RASA1: variants seen among roughly 807,000 people sequenced by gnomAD.
RASA1 encodes the protein ras GTPase-activating protein 1.
A neutral mutation model predicts 132.2 loss-of-function variants in RASA1; 25 were observed. The observed-to-expected ratio is 0.19, with a 90% CI of 0.14 to 0.26. RASA1 has a LOEUF of 0.26. RASA1 is among the 10% of genes least tolerant of loss of function. RASA1 has a pLI of 1.00. For synonymous variants in RASA1, 477 were observed against 449.9 expected (o/e 1.06, Z -0.76); for missense variants, 964 against 1,299.2 (o/e 0.74, Z 3.97).
chr5:87,320,379 C>G (rs1756696987), intron 1 of RASA1, among the ~76,000 whole-genome samples: 1 of 152,176 alleles, frequency 6.6e-6, no homozygotes, highest in Non-Finnish European at 1.5e-5. Flanking sequence ...TGTTCTCATA[C>G]TGCTACAAAG....
At chr5:87,295,415 A>C (rs563000877) in intron 1 of RASA1, among the ~76,000 whole-genome samples, 1 of 151,626 alleles carries the variant, frequency 6.6e-6, no homozygotes, top group East Asian at 1.9e-4. Context: ...ACTTTTTGTT[A>C]TGCACTTTTT....
intron 9 of RASA1, among the ~76,000 whole-genome samples, chr5:87,359,741 C>T (rs569559477): frequency 6.6e-6 from 1 of 152,024 alleles, no homozygotes; most frequent in East Asian, 1.9e-4. Context: ...TTTTATATTC[C>T]TAAGTCATTT....
At chr5:87,365,752 A>G (rs1477399838) in intron 11 of RASA1, among the ~76,000 whole-genome samples, 1 of 152,136 alleles carries the variant, frequency 6.6e-6, no homozygotes, top group Non-Finnish European at 1.5e-5. Context: ...AAAGAAATAC[A>G]TTTAATTGCT....
intron 1 of RASA1, among the ~76,000 whole-genome samples, chr5:87,300,187 T>C (rs1561265097): frequency 6.6e-6 from 1 of 151,998 alleles, no homozygotes; most frequent in Non-Finnish European, 1.5e-5. Flanking sequence ...CCGAGCAACA[T>C]AGGGAGACCC....
chr5:87,295,093 C>G (rs1755062490), intron 1 of RASA1, among the ~76,000 whole-genome samples: 7 of 152,004 alleles, frequency 4.6e-5, no homozygotes. Flanking sequence ...TACTTAATGC[C>G]TCTCTTTATC....
intron 1 of RASA1, among the ~76,000 whole-genome samples, chr5:87,330,276 A>C (rs1191710002): frequency 6.6e-6 from 1 of 152,146 alleles, no homozygotes; most frequent in Non-Finnish European, 1.5e-5. Context: ...AGCTTACAAA[A>C]ATAGTCATAG....
intron 20 of RASA1, among the ~76,000 whole-genome samples, chr5:87,382,791 A>C (rs1046340163): frequency 6.6e-6 from 1 of 152,110 alleles, no homozygotes; most frequent in African/African-American, 2.4e-5. Flanking sequence ...TCTTGTCTTA[A>C]AAGTTTTTCA....
At chr5:87,312,701 C>T (rs1756011411) in intron 1 of RASA1, among the ~76,000 whole-genome samples, 1 of 152,172 alleles carries the variant, frequency 6.6e-6, no homozygotes, top group South Asian at 2.1e-4. Context: ...GATGTGAATG[C>T]TACCATGAAT....
chr5:87,364,511 T>A (rs1310253652), intron 11 of RASA1, among the ~76,000 whole-genome samples: 1 of 152,170 alleles, frequency 6.6e-6, no homozygotes, highest in East Asian at 1.9e-4. Context: ...AGATACCCTT[T>A]TTTTTCCCCT....
intron 1 of RASA1, among the ~76,000 whole-genome samples, chr5:87,273,740 C>G (rs1482740936): frequency 6.6e-6 from 1 of 150,544 alleles, no homozygotes; most frequent in Non-Finnish European, 1.5e-5. Flanking sequence ...CTCTGTTACC[C>G]AGGGTGGTGT....
Position 87,349,307 on chromosome 5 carries a change from T to G in RASA1, c.1196T>G (p.Phe399Cys). 2 of 1,612,200 alleles carry G rather than the reference T, an allele frequency of 1.2e-6. No individual in the cohort carries two copies. The change falls in exon 8 of 25, where the codon TTT becomes TGT. Residue 399 changes from phenylalanine (F) to cysteine (C), a missense_variant. Transcript: ENST00000274376. ...YFRTNENIQRFKICPTPNNQF... is the reference protein window; with the variant it reads ...YFRTNENIQRCKICPTPNNQF... Reference sequence around the variant, plus strand: ...CGGACCAATGAAAATATTCAGCGATTTAAAATATGTCCAACGCCAAACAAT... The same window carrying G: ...CGGACCAATGAAAATATTCAGCGATGTAAAATATGTCCAACGCCAAACAAT...
intron 17 of RASA1, 37 bp from the exon 18 acceptor site, chr5:87,378,359 C>T: frequency 6.2e-7 from 1 of 1,607,246 alleles, no homozygotes; most frequent in South Asian, 1.1e-5. Flanking sequence ...TAGGTCAGTC[C>T]TTTACAAATA....
intron 1 of RASA1, among the ~76,000 whole-genome samples, chr5:87,282,831 T>G (rs1316114019): frequency 6.6e-6 from 1 of 152,164 alleles, no homozygotes; most frequent in East Asian, 1.9e-4. Flanking sequence ...TTGAGCCCAT[T>G]AAGTTGAAAA....
intron 23 of RASA1, among the ~76,000 whole-genome samples, chr5:87,389,146 A>C (rs768280880): frequency 1.1e-4 from 16 of 152,184 alleles, no homozygotes; most frequent in Non-Finnish European, 2.1e-4. Flanking sequence ...TTTTCACATG[A>C]GACTACAGAG....
intron 11 of RASA1, among the ~76,000 whole-genome samples, chr5:87,365,234 T>G (rs1043198888): frequency 3.3e-5 from 5 of 152,126 alleles, no homozygotes; most frequent in African/African-American, 1.2e-4. Flanking sequence ...GTAGTAGAGA[T>G]ATTTAACAAA....
At chr5:87,314,464 A>G (rs1756165849) in intron 1 of RASA1, among the ~76,000 whole-genome samples, 1 of 152,242 alleles carries the variant, frequency 6.6e-6, no homozygotes, top group Non-Finnish European at 1.5e-5. Flanking sequence ...AGGAAATGAC[A>G]GGATGGAAGA....
chr5:87,285,281 A>G (rs1288216588), intron 1 of RASA1, among the ~76,000 whole-genome samples: 2 of 151,588 alleles, frequency 1.3e-5, no homozygotes, highest in East Asian at 3.9e-4. Flanking sequence ...GTTGGCCAGG[A>G]TGGTCTTGAT....
intron 1 of RASA1, among the ~76,000 whole-genome samples, chr5:87,289,346 A>G (rs896048394): frequency 4.6e-5 from 7 of 152,190 alleles, no homozygotes; most frequent in African/African-American, 7.2e-5. Flanking sequence ...TGCTATTATG[A>G]AAAATACCTT....
At chr5:87,381,623 T>C (rs879052599) in intron 20 of RASA1, among the ~76,000 whole-genome samples, 9 of 152,210 alleles carry the variant, frequency 5.9e-5, no homozygotes, top group African/African-American at 1.4e-4. Flanking sequence ...GGTTATGATA[T>C]GACATAATAT....
Sources: allele counts gnomAD v4.1 joint callset (sites outside exome capture counted in the v4.1 genomes callset), GRCh38; gene constraint gnomAD v4.1.1; transcripts MANE v1.5; gene names NCBI Gene and HGNC (gene_info 2026-07-23, HGNC 2026-07-21).